KLHL13: variants seen among roughly 807,000 people sequenced by gnomAD.
The protein encoded by KLHL13 is kelch-like protein 13.
A neutral mutation model predicts 37.1 loss-of-function variants in KLHL13; 10 were observed. The ratio of observed to expected loss-of-function variants is 0.27; its 90% CI spans 0.17 to 0.46. The LOEUF is 0.46. KLHL13 is among the 20% of genes least tolerant of loss of function. The pLI is 1.00. For synonymous variants in KLHL13, 163 were observed against 181.2 expected (o/e 0.90, Z 0.81); for missense variants, 360 against 509.3 (o/e 0.71, Z 2.82).
chrX:118,066,589 A>C (rs1253310681), intron 1 of KLHL13, among the ~76,000 whole-genome samples: 2 of 111,689 alleles, frequency 1.8e-5, no homozygotes, highest in Non-Finnish European at 3.8e-5. Context: ...GGTTAGGCAA[A>C]GATCTTGTAG....
intron 1 of KLHL13, among the ~76,000 whole-genome samples, chrX:118,111,448 T>C (rs1328847996): frequency 8.9e-6 from 1 of 112,992 alleles, no homozygotes; most frequent in Non-Finnish European, 1.9e-5. Flanking sequence ...TTTAGAAATT[T>C]AAAAATTGCA....
intron 1 of KLHL13, among the ~76,000 whole-genome samples, chrX:117,972,070 T>C (rs1296610647): frequency 8.9e-6 from 1 of 111,774 alleles, no homozygotes; most frequent in Non-Finnish European, 1.9e-5. Flanking sequence ...CCCAGTGCAC[T>C]TCAGTACGTA....
Position 118,033,300 on chromosome X carries a change from C to G in KLHL13, c.-56+83208G>C, listed in dbSNP as rs746843361. On this transcript the variant is annotated intron_variant, in intron 1 of 6. Transcript: ENST00000371882. ...TAAGACACATAATTGTCACATTCAC[C>G]AAAGTTGAAATGAAGGAAAAAATGT... Among the ~76,000 whole-genome samples, 775 of 110,915 alleles carry G rather than the reference C, an allele frequency of 7.0e-3. 4 individuals carry two copies. Among genetic ancestry groups the G allele is most frequent in the Admixed American group, 0.012 (128 of 10,428 alleles).
chrX:117,907,762 T>C (rs760947763), intron 5 of KLHL13, among the ~76,000 whole-genome samples: 4 of 109,965 alleles, frequency 3.6e-5, no homozygotes, highest in South Asian at 7.7e-4. Context: ...ATCTAGAAAA[T>C]CTGGTCTTAG....
chrX:117,926,735 C>G (rs2147724756), intron 2 of KLHL13, among the ~76,000 whole-genome samples: 1 of 108,837 alleles, frequency 9.2e-6, no homozygotes, highest in Admixed American at 9.8e-5. Flanking sequence ...AGAATGCAAA[C>G]TCTCACCAAG....
chrX:118,113,236 A>T (rs775349719), intron 1 of KLHL13, among the ~76,000 whole-genome samples: 2 of 112,140 alleles, frequency 1.8e-5, no homozygotes, highest in Admixed American at 9.5e-5. Flanking sequence ...TACTGATCAT[A>T]GAGTTTTTTT....
At chrX:118,050,327 A>T (rs371274814) in intron 1 of KLHL13, among the ~76,000 whole-genome samples, 2 of 112,318 alleles carry the variant, frequency 1.8e-5, no homozygotes, top group East Asian at 2.8e-4. Flanking sequence ...GCCAATATTG[A>T]AAGTATTATC....
chrX:118,019,964 T>C (rs1197175561), intron 1 of KLHL13, among the ~76,000 whole-genome samples: 1 of 107,972 alleles, frequency 9.3e-6, no homozygotes, highest in Non-Finnish European at 1.9e-5. Context: ...TAGGATTGAC[T>C]TGGTGATGTG....
At chrX:117,958,275 A>C (rs2053236044) in intron 1 of KLHL13, among the ~76,000 whole-genome samples, 2 of 111,529 alleles carry the variant, frequency 1.8e-5, no homozygotes, top group African/African-American at 3.2e-5. Flanking sequence ...AATTAGGTAC[A>C]GTAAGATATC....
At chrX:117,923,367 G>C (rs1931829173) in intron 2 of KLHL13, among the ~76,000 whole-genome samples, 2 of 112,214 alleles carry the variant, frequency 1.8e-5, no homozygotes, top group Non-Finnish European at 3.8e-5. Context: ...AATGAGATGA[G>C]TCTAGGTACT....
intron 1 of KLHL13, among the ~76,000 whole-genome samples, chrX:118,090,603 G>A (rs1203094840): frequency 9.0e-6 from 1 of 111,335 alleles, no homozygotes; most frequent in African/African-American, 3.3e-5. Context: ...AGTTAGAATG[G>A]TGATTATTAA....
At chrX:118,103,605 T>C (rs1037893182) in intron 1 of KLHL13, among the ~76,000 whole-genome samples, 11 of 111,928 alleles carry the variant, frequency 9.8e-5, no homozygotes, top group African/African-American at 3.6e-4. Flanking sequence ...GACACCTATG[T>C]TCTTTAAGAC....
chrX:118,047,747 T>C (rs937869628), intron 1 of KLHL13, among the ~76,000 whole-genome samples: 1 of 111,620 alleles, frequency 9.0e-6, no homozygotes, highest in Non-Finnish European at 1.9e-5. Context: ...CCTTTATTTG[T>C]GAGAAGGAAT....
In KLHL13 at chrX:118,033,159, A is replaced by G. The variant is rs187555728; in HGVS notation, c.-56+83349T>C. The stretch of plus-strand genomic sequence containing the variant: ...GGGGGGGGAATGGAACCAAGTTGGA[A>G]AACACTCTGCAGGATATTATCCAGG... On this transcript the variant is annotated intron_variant, in intron 1 of 6. Coordinates refer to the KLHL13 transcript ENST00000371882. 6.7e-3 allele frequency among the ~76,000 whole-genome samples: 747 copies of G among 111,527 alleles called. 2 individuals carry two copies. The highest frequency in any genetic ancestry group is 0.012 in the Admixed American group (123 of 10,511).
intron 1 of KLHL13, among the ~76,000 whole-genome samples, chrX:118,029,756 T>C (rs749670586): frequency 1.3e-4 from 15 of 111,199 alleles, no homozygotes; most frequent in Non-Finnish European, 2.3e-4. Context: ...ATTGCTTCAG[T>C]CCAGGAGTTT....
rs180938671 is a variant in KLHL13, at chrX:117,999,325, A to C, written c.-55-53750T>G. Among the ~76,000 whole-genome samples the C allele has an allele frequency of 1.4e-4, 16 of 111,559 alleles. No homozygotes were observed. In the East Asian group the frequency reaches 4.5e-3, roughly 31 times the overall value. The stretch of plus-strand genomic sequence containing the variant: ...CCAACAATGAGAGACTGGATTAAGA[A>C]AATGTGGTACATATACACCATGGAA... On this transcript the variant is annotated intron_variant, in intron 1 of 6. Transcript: ENST00000371882.
chrX:117,984,337 T>C (rs914874595), intron 1 of KLHL13, among the ~76,000 whole-genome samples: 2 of 111,601 alleles, frequency 1.8e-5, no homozygotes, highest in South Asian at 7.4e-4. Flanking sequence ...TAATATAAAA[T>C]TTCATTTATT....
intron 4 of KLHL13, among the ~76,000 whole-genome samples, chrX:117,913,950 T>C (rs5955987): frequency 0.17 from 18,771 of 110,758 alleles, 2,193 homozygotes; most frequent in African/African-American, 0.42. Flanking sequence ...TTTACATTTC[T>C]TTGATATAAA....
chrX:118,021,024 G>A (rs147297665), intron 1 of KLHL13, among the ~76,000 whole-genome samples: 1 of 96,820 alleles, frequency 1.0e-5, no homozygotes, highest in Non-Finnish European at 2.1e-5. Flanking sequence ...ATAGCATTGG[G>A]AGATATACCT....
Sources: allele counts gnomAD v4.1 joint callset (sites outside exome capture counted in the v4.1 genomes callset), GRCh38; gene constraint gnomAD v4.1.1; transcripts MANE v1.5; gene names NCBI Gene and HGNC (gene_info 2026-07-23, HGNC 2026-07-21).